The following ABCA13 variants were observed in gnomAD, a reference collection of about 807,000 sequenced individuals.
The protein encoded by ABCA13 is ATP-binding cassette sub-family A member 13.
A neutral mutation model predicts 478.7 loss-of-function variants in ABCA13; 476 were observed. That is an observed-to-expected ratio of 0.99 (90% CI 0.92 to 1.07). The LOEUF is 1.07. Ranked by LOEUF, ABCA13 falls within the 50% of genes least tolerant of loss-of-function variation. The pLI, the probability that ABCA13 is intolerant of heterozygous loss-of-function variation, is 0.00. For synonymous variants in ABCA13, 2,252 were observed against 2,158.9 expected (o/e 1.04, Z -1.20); for missense variants, 6,060 against 5,910.6 (o/e 1.03, Z -0.83).
chr7:48,556,103 C>T (rs1010213738), intron 55 of ABCA13, among the ~76,000 whole-genome samples: 1 of 151,720 alleles, frequency 6.6e-6, no homozygotes, highest in Non-Finnish European at 1.5e-5. Flanking sequence ...CCATGTGTCT[C>T]TGTAATTTCC....
intron 42 of ABCA13, among the ~76,000 whole-genome samples, chr7:48,443,237 T>C (rs1002807789): frequency 1.3e-5 from 2 of 151,578 alleles, no homozygotes; most frequent in African/African-American, 4.8e-5. Flanking sequence ...GTAGTTTGTT[T>C]GGCAGCCTGA....
At chr7:48,235,654 G>A (rs1789837599) in intron 8 of ABCA13, among the ~76,000 whole-genome samples, 1 of 152,168 alleles carries the variant, frequency 6.6e-6, no homozygotes, top group Non-Finnish European at 1.5e-5. Flanking sequence ...CCTTCTTGAG[G>A]TCAAGGGGAC....
chr7:48,301,417 A>G lies in ABCA13; in HGVS notation c.9321+2930A>G, dbSNP rs75241388. 9.2e-5 allele frequency among the ~76,000 whole-genome samples: 14 copies of G among 152,120 alleles called. No homozygotes were observed. In the East Asian group the frequency reaches 2.5e-3, roughly 27 times the overall value. ...TTTTAGGAGTTTGGAAACATTACAC[A>G]TTCCACTTGTTTTAATACATGAAGT... On this transcript the variant is annotated intron_variant, in intron 23 of 61. Transcript: ENST00000435803.
chr7:48,549,053 T>A (rs1005557719), intron 55 of ABCA13, among the ~76,000 whole-genome samples: 44 of 151,718 alleles, frequency 2.9e-4, no homozygotes, highest in African/African-American at 6.0e-4. Flanking sequence ...TTACTTTTTT[T>A]AAAAAAAATT....
chr7:48,580,556 AT>A (rs536584834), intron 56 of ABCA13, among the ~76,000 whole-genome samples, 182 bp downstream of exon 56: 114 of 152,292 alleles, frequency 7.5e-4, no homozygotes, highest in African/African-American at 2.6e-3. Flanking sequence ...TATTTCCCTT[AT>A]TTTACATTAT....
At chr7:48,497,364 C>A (rs964917568) in intron 48 of ABCA13, among the ~76,000 whole-genome samples, 2 of 152,080 alleles carry the variant, frequency 1.3e-5, no homozygotes, top group Admixed American at 1.3e-4. Context: ...CTTTTTGAAG[C>A]ATCTTTATGA....
intron 3 of ABCA13, among the ~76,000 whole-genome samples, chr7:48,207,545 G>A (rs1052055709): frequency 6.6e-6 from 1 of 152,108 alleles, no homozygotes; most frequent in Non-Finnish European, 1.5e-5. Context: ...CTTCTTGGAT[G>A]AGTAGTGATG....
chr7:48,564,898 T>G (rs1348312673), intron 55 of ABCA13, among the ~76,000 whole-genome samples: 1 of 152,154 alleles, frequency 6.6e-6, no homozygotes, highest in Non-Finnish European at 1.5e-5. Flanking sequence ...TCTGTAAAAT[T>G]TAACAGTGAC....
chr7:48,300,044 T>A (rs921495557), intron 23 of ABCA13, among the ~76,000 whole-genome samples: 1 of 152,248 alleles, frequency 6.6e-6, no homozygotes, highest in African/African-American at 2.4e-5. Flanking sequence ...TGCACATGTA[T>A]CTACAGATCC....
At position 48,278,419 on chromosome 7, in the gene ABCA13, C is replaced by G. The variant is rs1796584184; in HGVS notation, c.7225C>G (p.Leu2409Val). The G allele has an allele frequency of 3.1e-6, 5 of 1,613,868 alleles. No homozygotes were observed. The highest frequency in any genetic ancestry group is 4.2e-6 in the Non-Finnish European group (5 of 1,179,858). The change falls in exon 18 of 62, where the codon CTT (leucine) becomes GTT (valine). Residue 2409 changes from leucine (L) to valine (V), a missense_variant. Leu to Val is a conservative substitution (Grantham distance 32, BLOSUM62 1). Transcript: ENST00000435803. ...GGACCTCTTCAAACTCAATCAAGAT[C>G]TTGGGTCAGCTCTTCACCTTGTAAG... is the stretch of plus-strand genomic sequence containing the variant. ...SEDLFKLNQD[L>V]GSALHLVREC...
At position 48,279,063 on chromosome 7, in the gene ABCA13, A is replaced by G. The variant is rs932181376; in HGVS notation, c.7869A>G (p.Ser2623=). The part of the protein sequence containing the change: ...DIFSMSPSIL[S]YMNQSKDFSD... ...TCAGTATGTCACCTAGCATACTCTC[A>G]TATATGAACCAATCTAAGGACTTTT... Residue 2623 remains serine (S), a synonymous_variant, in exon 18 of 62, where the codon TCA becomes TCG. Transcript: ENST00000435803. 1.2e-6 allele frequency: 2 copies of G among 1,612,286 alleles called. No homozygotes were observed. The highest frequency in any genetic ancestry group is 1.7e-6 in the Non-Finnish European group (2 of 1,179,262).
rs910736080 is a variant in ABCA13, at chr7:48,206,497, C to G, written c.287+8137C>G. Among the ~76,000 whole-genome samples, 10 of 152,286 alleles carry G rather than the reference C, an allele frequency of 6.6e-5. No individual in the cohort carries two copies. In the Middle Eastern group the frequency reaches 0.01, roughly 155 times the overall value. ...AAATTGCCTAAGAATGCATTTCCCACAGTACATTCTCTTCTTTAAGTGACA... is the reference window on the plus strand; with the variant it reads ...AAATTGCCTAAGAATGCATTTCCCAGAGTACATTCTCTTCTTTAAGTGACA... On this transcript the variant is annotated intron_variant, in intron 3 of 61. Transcript: ENST00000435803.
At chr7:48,243,223 T>C (rs1304912001) in intron 10 of ABCA13, 2 of 152,274 alleles carry the variant, frequency 1.3e-5, no homozygotes, top group African/African-American at 4.8e-5. Flanking sequence ...GTATCCTTGC[T>C]TGTCAGAGTT....
At chr7:48,629,359 C>T (rs1392429528) in intron 59 of ABCA13, among the ~76,000 whole-genome samples, 5 of 152,080 alleles carry the variant, frequency 3.3e-5, no homozygotes, top group Admixed American at 3.3e-4. Flanking sequence ...AAATGGATTT[C>T]TTTATTCCAG....
chr7:48,187,475 T>C (rs140278095), intron 1 of ABCA13, among the ~76,000 whole-genome samples: 14,094 of 152,010 alleles, frequency 0.093, 902 homozygotes, highest in East Asian at 0.21. Context: ...CGTCAAAAAA[T>C]ATTTTGTTCA....
At chr7:48,291,890 C>G (rs1340383354) in intron 20 of ABCA13, among the ~76,000 whole-genome samples, 3 of 152,148 alleles carry the variant, frequency 2.0e-5, no homozygotes, top group African/African-American at 7.2e-5. Flanking sequence ...CCCCACGTCA[C>G]TCAGCTCCCG....
rs923221363 is a variant in ABCA13, at chr7:48,274,182, A to C, written c.4516A>C (p.Asn1506His). Residue 1506 changes from asparagine (N) to histidine (H), a missense_variant, in exon 17 of 62, where the codon AAC becomes CAC. By Grantham distance (68) the Asn-to-His change is moderately conservative (BLOSUM62 1). This residue lies in a region of ABCA13 where 4,423 missense variants were observed against 4,309.1 expected (regional missense o/e 1.03). Coordinates refer to ENST00000435803, the MANE Select transcript of ABCA13 (RefSeq NM_152701.5). Reference sequence around the variant, plus strand: ...AAAGCAAGTAAGGATGAGTATCAACAACTTAACAACAGACTTTGATTTTGC... The same window carrying C: ...AAAGCAAGTAAGGATGAGTATCAACCACTTAACAACAGACTTTGATTTTGC... Reference protein sequence around the residue: ...STKQVRMSINNLTTDFDFASQ... With the variant: ...STKQVRMSINHLTTDFDFASQ... 12 of 1,612,016 alleles carry C rather than the reference A, an allele frequency of 7.4e-6. No individual in the cohort carries two copies. The highest frequency in any genetic ancestry group is 1.7e-5 in the Admixed American group (1 of 59,724).
intron 55 of ABCA13, among the ~76,000 whole-genome samples, chr7:48,572,796 A>G (rs1787804285): frequency 6.6e-6 from 1 of 152,168 alleles, no homozygotes; most frequent in South Asian, 2.1e-4. Context: ...TTTCCAGAAT[A>G]GTGTATGATC....
Position 48,455,220 on chromosome 7 carries a change from C to T in ABCA13, c.12749C>T (p.Ala4250Val). 2 of 1,600,552 alleles carry T rather than the reference C, an allele frequency of 1.2e-6. No individual in the cohort carries two copies. Among genetic ancestry groups the T allele is most frequent in the African/African-American group, 1.3e-5 (1 of 74,640 alleles). ...AMGLFMVRPL[A>V]TEYPPLRLTP... ...GGCTTGTTCATGGTGAGACCCCTGG[C>T]CACCGAGTACCCTCCCCTCAGACTC... Residue 4250 changes from alanine to valine, a missense_variant, in exon 43 of 62, where the codon GCC (alanine) becomes GTC (valine). Physicochemically the swap from Ala to Val is moderately conservative, Grantham distance 64. Around this residue, in one of 3 missense-constraint regions of ABCA13, gnomAD observed 1,627 missense variants for 1,571.0 expected, o/e 1.04. Transcript: ENST00000435803.
Sources: gnomAD v4.1 joint callset for allele counts (sites outside exome capture counted in the v4.1 genomes callset) on GRCh38, gnomAD v4.1.1 for gene constraint, gnomAD v4.1.1 regional missense constraint, MANE v1.5 for transcripts, NCBI Gene and HGNC (gene_info 2026-07-23, HGNC 2026-07-21) for gene names.